Variants in GNG7 observed in about 807,000 individuals in gnomAD.
GNG7 encodes the protein G protein subunit gamma 7, also known as guanine nucleotide-binding protein G(I)/G(S)/G(O) subunit gamma-7.
GNG7 carries 1 observed loss-of-function variant against 4.0 expected under a neutral mutation model. The ratio of observed to expected loss-of-function variants is 0.25; its 90% CI spans 0.09 to 1.18. The LOEUF is 1.18. Ranked by LOEUF, GNG7 falls within the 50% of genes most tolerant of loss-of-function variation. The pLI, the probability that GNG7 is intolerant of heterozygous loss-of-function variation, is 0.50. For synonymous variants in GNG7, 34 were observed against 36.9 expected (o/e 0.92, Z 0.29); for missense variants, 86 against 91.9 (o/e 0.94, Z 0.26).
intron 1 of GNG7, among the ~76,000 whole-genome samples, chr19:2,657,118 G>A (rs892915906): frequency 6.6e-6 from 1 of 151,272 alleles, no homozygotes; most frequent in Non-Finnish European, 1.5e-5. Flanking sequence ...CAGATTTCTT[G>A]AGCCCAAGAG....
intron 1 of GNG7, among the ~76,000 whole-genome samples, chr19:2,666,527 GC>G: frequency 6.6e-6 from 1 of 152,094 alleles, no homozygotes; most frequent in Non-Finnish European, 1.5e-5. Flanking sequence ...GCCCAGACTG[GC>G]CTTGAACTCC....
chr19:2,571,404 T>C (rs1345505984), intron 2 of GNG7, among the ~76,000 whole-genome samples: 1 of 152,144 alleles, frequency 6.6e-6, no homozygotes, highest in Non-Finnish European at 1.5e-5. Flanking sequence ...CTTATCCTTG[T>C]TCTGATTGCA....
chr19:2,543,066 C>G (rs140043705), intron 3 of GNG7, among the ~76,000 whole-genome samples: 1,764 of 151,972 alleles, frequency 0.012, 43 homozygotes, highest in African/African-American at 0.041. Flanking sequence ...GCATCCACCA[C>G]CACACCAGGC....
rs528256013 is a variant in GNG7 at position 2,575,636 on chromosome 19, C to A, written c.-77-20448G>T. On this transcript the variant is annotated intron_variant, in intron 2 of 4. Coordinates refer to ENST00000382159, the MANE Select transcript of GNG7 (RefSeq NM_052847.3). ...GCACACACAGACATGCAGGCACACACAGGCACACGCAGACACGCAGGCACA... is the reference window on the plus strand; with the variant it reads ...GCACACACAGACATGCAGGCACACAAAGGCACACGCAGACACGCAGGCACA... 2.1e-5 allele frequency among the ~76,000 whole-genome samples: 3 copies of A among 146,178 alleles called. No individual in the cohort carries two copies. In the East Asian group the frequency reaches 6.1e-4, roughly 30 times the overall value.
At chr19:2,663,346 C>A (rs200548053) in intron 1 of GNG7, among the ~76,000 whole-genome samples, 4 of 139,990 alleles carry the variant, frequency 2.9e-5, no homozygotes, top group Non-Finnish European at 6.0e-5. Context: ...CTCTCTCTCT[C>A]CCCCCCCTCC....
intron 3 of GNG7, among the ~76,000 whole-genome samples, chr19:2,549,851 G>A (rs1460283245): frequency 2.0e-5 from 3 of 152,232 alleles, no homozygotes; most frequent in African/African-American, 7.2e-5. Flanking sequence ...CAGTGAGTTC[G>A]TCTTGGCCTC....
chr19:2,685,590 A>G (rs1367632839), intron 1 of GNG7, among the ~76,000 whole-genome samples: 1 of 152,230 alleles, frequency 6.6e-6, no homozygotes, highest in East Asian at 1.9e-4. Flanking sequence ...GCACCACTGC[A>G]CTCCAGCCTG....
In GNG7 at chr19:2,512,112, ACT is replaced by A; in HGVS notation, c.*2908_*2909del. 2 of 985,448 alleles carry A rather than the reference ACT, an allele frequency of 2.0e-6. No homozygotes were observed. The highest frequency in any genetic ancestry group is 2.4e-6 in the Non-Finnish European group (2 of 829,846). 61.0% of individuals were successfully genotyped at this position (985,448 alleles called of 1,614,324 possible). ...GCGTGGGTGGGGGTGAGTGTCCTTA[ACT>A]CTCTTTTCCCCTGGCGTAGCTGAGA... On this transcript the variant is annotated 3_prime_UTR_variant, in exon 5 of 5. Coordinates refer to ENST00000382159, the MANE Select transcript of GNG7 (RefSeq NM_052847.3). The surrounding 1 kb of genome is among the most constrained non-coding windows in gnomAD (Gnocchi z 4.7).
intron 2 of GNG7, among the ~76,000 whole-genome samples, chr19:2,566,101 T>TG (rs1264967556): frequency 6.6e-6 from 1 of 151,996 alleles, no homozygotes; most frequent in East Asian, 1.9e-4. Context: ...GAGGTGGCAG[T>TG]GAGCCAAAAT....
rs35982775 is a variant in GNG7 at position 2,618,342 on chromosome 19, G to GGTGTGTGTGTGTGTGTGTGT, written c.-78+27862_-78+27881dup. Among the ~76,000 whole-genome samples, 1 of 146,402 alleles carries GGTGTGTGTGTGTGTGTGTGT rather than the reference G, an allele frequency of 6.8e-6. No homozygotes were observed. The highest frequency in any genetic ancestry group is 2.5e-5 in the African/African-American group (1 of 39,844). On this transcript the variant is annotated intron_variant, in intron 2 of 4. Coordinates refer to ENST00000382159, the MANE Select transcript of GNG7 (RefSeq NM_052847.3). This position sits in a 1 kb window ranked among gnomAD's most constrained non-coding sequence, Gnocchi z 5.1. ...TTCTCTTTTCTACCTGTATGTGTGT[G>GGTGTGTGTGTGTGTGTGTGT]GTGTGTGTGTGTGTGTGTGTGTGTG...
intron 2 of GNG7, among the ~76,000 whole-genome samples, chr19:2,623,776 G>A (rs1176119955): frequency 1.3e-5 from 2 of 152,168 alleles, no homozygotes; most frequent in Non-Finnish European, 2.9e-5. Flanking sequence ...AGCTACTCAG[G>A]AGGCTGAAGC....
chr19:2,521,270 AAAAAAATAAAG>A (rs1978307090), intron 3 of GNG7, among the ~76,000 whole-genome samples: 1 of 152,044 alleles, frequency 6.6e-6, no homozygotes, highest in South Asian at 2.1e-4. Flanking sequence ...CGTCTCAAAA[AAAAAAATAAAG>A]AAAAAATAAA....
intron 2 of GNG7, among the ~76,000 whole-genome samples, chr19:2,581,383 C>T (rs1005021381): frequency 4.6e-5 from 7 of 151,762 alleles, no homozygotes; most frequent in Middle Eastern, 3.4e-3. Context: ...CACCAGCAGT[C>T]AATTCCTTCA....
chr19:2,537,940 G>A (rs560372641), intron 3 of GNG7, among the ~76,000 whole-genome samples: 1 of 152,252 alleles, frequency 6.6e-6, no homozygotes, highest in South Asian at 2.1e-4. Flanking sequence ...AGCCGGATGT[G>A]GTGGTGCATG....
chr19:2,553,640 T>A (rs564905692), intron 3 of GNG7, among the ~76,000 whole-genome samples: 1 of 93,870 alleles, frequency 1.1e-5, no homozygotes, highest in Non-Finnish European at 2.3e-5. Flanking sequence ...TTACATGTAA[T>A]ATGTTATATT....
At chr19:2,575,505 A>C (rs28491911) in intron 2 of GNG7, among the ~76,000 whole-genome samples, 1 of 143,378 alleles carries the variant, frequency 7.0e-6, no homozygotes, top group African/African-American at 2.6e-5. Flanking sequence ...GCAGGCACAC[A>C]CAGACATGCA....
At chr19:2,701,886 T>A (rs1913409254) in intron 1 of GNG7, among the ~76,000 whole-genome samples, 1 of 122,726 alleles carries the variant, frequency 8.1e-6, no homozygotes, top group African/African-American at 3.4e-5. Flanking sequence ...CCTCCCCAGC[T>A]AACCTCGACC....
intron 2 of GNG7, among the ~76,000 whole-genome samples, chr19:2,565,647 G>T (rs536663671): frequency 6.6e-6 from 1 of 152,148 alleles, no homozygotes. Flanking sequence ...CCTAAAACCT[G>T]CAATCACTGG....
intron 1 of GNG7, among the ~76,000 whole-genome samples, chr19:2,692,635 G>GAA (rs755758643): frequency 2.5e-5 from 3 of 119,818 alleles, no homozygotes; most frequent in African/African-American, 9.1e-5. Flanking sequence ...ACTCCATCTC[G>GAA]AAAAAAAAAA....
Sources: allele counts gnomAD v4.1 joint callset (sites outside exome capture counted in the v4.1 genomes callset), GRCh38; gene constraint gnomAD v4.1.1; non-coding constraint Gnocchi (gnomAD v3.1); transcripts MANE v1.5; gene names NCBI Gene and HGNC (gene_info 2026-07-23, HGNC 2026-07-21).